Variants in ANK3 observed in about 807,000 individuals in gnomAD.
ANK3 encodes the protein ankyrin-3.
ANK3 carries 57 observed loss-of-function variants against 370.9 expected under a neutral mutation model. That is an observed-to-expected ratio of 0.15 (90% CI 0.12 to 0.19). The LOEUF is 0.19. Ranked by LOEUF, ANK3 falls within the 10% of genes least tolerant of loss-of-function variation. The pLI is 1.00. For synonymous variants in ANK3, 1,929 were observed against 1,946.3 expected, an observed-to-expected ratio of 0.99 and a Z score of 0.23; for missense variants, 4,439 against 5,302.1, an observed-to-expected ratio of 0.84 and a Z score of 5.06.
intron 2 of ANK3, among the ~76,000 whole-genome samples, chr10:60,427,804 C>T (rs2063923040): frequency 6.6e-6 from 1 of 152,136 alleles, no homozygotes. Flanking sequence ...TTCCCAAGGT[C>T]ACCAGGTTAG....
intron 36 of ANK3, 198 bp downstream of exon 36, chr10:60,080,339 G>T: frequency 1.9e-6 from 1 of 526,876 alleles, no homozygotes; most frequent in Non-Finnish European, 3.3e-6. Context: ...AAACTGTTTT[G>T]AAGTATGAGC....
intron 2 of ANK3, among the ~76,000 whole-genome samples, chr10:60,597,686 G>A (rs761474120): frequency 6.6e-6 from 1 of 152,072 alleles, no homozygotes; most frequent in Admixed American, 6.6e-5. Context: ...TTTCAATAGA[G>A]CTTTCTTTCC....
intron 1 of ANK3, among the ~76,000 whole-genome samples, chr10:60,297,414 T>C (rs2042773099): frequency 6.6e-6 from 1 of 152,198 alleles, no homozygotes; most frequent in South Asian, 2.1e-4. Context: ...TAACGAGTGA[T>C]TATTAGTAAC....
chr10:60,055,930 A>G lies in ANK3; in HGVS notation c.12793T>C (p.Ser4265Pro), dbSNP rs754730320. ...TEITPEAKTK[S>P]YFPESQNDVG... ...TCATTTTGGGATTCTGGAAAGTAAG[A>G]TTTTGTCTTTGCTTCTGGAGTGATT... Residue 4265 changes from serine to proline, a missense_variant, in exon 42 of 44, where the codon TCT becomes CCT. Transcript: ENST00000280772. 6.2e-7 allele frequency: 1 copy of G among 1,613,942 alleles called. No homozygotes were observed. Among genetic ancestry groups the G allele is most frequent in the African/African-American group, 1.3e-5 (1 of 74,900 alleles).
intron 16 of ANK3, among the ~76,000 whole-genome samples, chr10:60,189,840 T>C (rs1358019837): frequency 6.6e-6 from 1 of 152,224 alleles, no homozygotes; most frequent in African/African-American, 2.4e-5. Flanking sequence ...TTTGAAATTA[T>C]CAAAAGTAAT....
intron 7 of ANK3, among the ~76,000 whole-genome samples, chr10:60,257,321 A>T (rs2097754326): frequency 6.6e-6 from 1 of 152,184 alleles, no homozygotes; most frequent in Admixed American, 6.5e-5. Flanking sequence ...CCAGTCACTG[A>T]TCTGTGCCAT....
At chr10:60,635,330 C>T (rs996050236) in intron 1 of ANK3, among the ~76,000 whole-genome samples, 1 of 151,984 alleles carries the variant, frequency 6.6e-6, no homozygotes, top group African/African-American at 2.4e-5. Flanking sequence ...TGAATAAACT[C>T]ATGTAATTAG....
intron 2 of ANK3, among the ~76,000 whole-genome samples, chr10:60,600,761 A>G (rs2078050236): frequency 6.6e-6 from 1 of 152,206 alleles, no homozygotes; most frequent in Non-Finnish European, 1.5e-5. Flanking sequence ...GATATTAGAT[A>G]TTAATGATTT....
chr10:60,487,863 C>T (rs559285829), intron 2 of ANK3, among the ~76,000 whole-genome samples: 3 of 152,146 alleles, frequency 2.0e-5, no homozygotes, highest in Admixed American at 2.0e-4. Flanking sequence ...TACAGGCATG[C>T]TCCACCATGC....
chr10:60,042,235 C>G (rs1012793643), intron 43 of ANK3, among the ~76,000 whole-genome samples: 2 of 152,144 alleles, frequency 1.3e-5, no homozygotes, highest in African/African-American at 2.4e-5. Flanking sequence ...TGGAAAGTCA[C>G]TTATTTCAAC....
At chr10:60,258,288 A>G (rs998932102) in intron 7 of ANK3, among the ~76,000 whole-genome samples, 1 of 152,256 alleles carries the variant, frequency 6.6e-6, no homozygotes, top group African/African-American at 2.4e-5. Context: ...CAGCTACTAC[A>G]TTAACTCCCT....
chr10:60,092,956 G>A (rs1291561088), intron 28 of ANK3, among the ~76,000 whole-genome samples: 3 of 152,152 alleles, frequency 2.0e-5, no homozygotes, highest in Admixed American at 2.0e-4. Flanking sequence ...GGCTGGTCTC[G>A]AACTCCTGAC....
intron 42 of ANK3, chr10:60,043,647 G>T: frequency 1.0e-6 from 1 of 985,412 alleles, no homozygotes; most frequent in South Asian, 4.7e-5. Flanking sequence ...CCGATGTGCA[G>T]ATCTTGAACT....
Position 60,667,488 on chromosome 10 carries a change from C to A in ANK3, c.58-52264G>T, listed in dbSNP as rs141263405. On this transcript the variant is annotated intron_variant, in intron 1 of 43. Transcript: ENST00000373827. Reference sequence around the variant, plus strand: ...ACCACTGTTTGAGTATCAAAGAAACCAAATGATATAAAAATTCATAAAAAT... The same window carrying A: ...ACCACTGTTTGAGTATCAAAGAAACAAAATGATATAAAAATTCATAAAAAT... Among the ~76,000 whole-genome samples the A allele has an allele frequency of 1.0e-3, 159 of 151,986 alleles. 9 individuals are homozygous for A. The highest frequency in any genetic ancestry group is 3.6e-3 in the African/African-American group (148 of 41,410).
chr10:60,234,643 C>G (rs2097301425), intron 8 of ANK3, 45 bp downstream of exon 8: 1 of 1,177,766 alleles, frequency 8.5e-7, no homozygotes, highest in African/African-American at 1.5e-5. Flanking sequence ...AGTATTCCTA[C>G]TTCCTGAATA....
In ANK3 at chr10:60,128,440, C is replaced by T. The variant is rs530809600; in HGVS notation, c.2841+5831G>A. ...TCTTGCCCAGACTGGAGTGCAGTGG[C>T]GCAATCTCAGCTCACCGCAACCTCT... On this transcript the variant is annotated intron_variant, in intron 25 of 43. Coordinates refer to ENST00000280772, the MANE Select transcript of ANK3 (RefSeq NM_020987.5). Among the ~76,000 whole-genome samples the T allele has an allele frequency of 1.6e-4, 24 of 151,356 alleles. No homozygotes were observed. In the South Asian group the frequency reaches 2.1e-3, roughly 13 times the overall value.
chr10:60,381,097 T>A (rs1045466265), intron 1 of ANK3, among the ~76,000 whole-genome samples: 3 of 152,244 alleles, frequency 2.0e-5, no homozygotes, highest in African/African-American at 7.2e-5. Context: ...ACTGCCTAGA[T>A]TGGGGGATAA....
At position 60,069,553 on chromosome 10, in the gene ANK3, A is replaced by T; in HGVS notation, c.11328T>A (p.His3776Gln). 6.2e-7 allele frequency: 1 copy of T among 1,612,926 alleles called. No individual in the cohort carries two copies. Among genetic ancestry groups the T allele is most frequent in the Non-Finnish European group, 8.5e-7 (1 of 1,179,760 alleles). Residue 3776 changes from histidine to glutamine, a missense_variant, in exon 37 of 44, where the codon CAT becomes CAA. This residue lies in a region of ANK3 where 496 missense variants were observed against 529.3 expected (regional missense o/e 0.94). Transcript: ENST00000280772. ...TANSQMGVRP[H>Q]EKHDFQKDNF... ...TATCTTTTTGAAAATCATGTTTTTC[A>T]TGGGGCCTAACGCCCATCTGGCTAT...
intron 16 of ANK3, 92 bp downstream of exon 16, chr10:60,196,053 G>T: frequency 9.0e-7 from 1 of 1,110,046 alleles, no homozygotes. Context: ...CCTAAACTAG[G>T]AGGGTGCTCC....
Sources: allele counts gnomAD v4.1 joint callset (sites outside exome capture counted in the v4.1 genomes callset), GRCh38; gene constraint gnomAD v4.1.1; regional missense constraint gnomAD v4.1.1; transcripts MANE v1.5; gene names NCBI Gene and HGNC (gene_info 2026-07-23, HGNC 2026-07-21).